LDAH: variants seen among roughly 807,000 people sequenced by gnomAD.
LDAH encodes the protein lipid droplet associated hydrolase.
LDAH carries 26 observed loss-of-function variants against 29.6 expected under a neutral mutation model. The observed-to-expected ratio is 0.88, with a 90% CI of 0.64 to 1.22. LDAH has a LOEUF of 1.22. Among genes scored for constraint, LDAH ranks in the 50% most tolerant of loss-of-function variants. LDAH has a pLI of 0.00. For missense variants in LDAH, 344 were observed against 387.3 expected (o/e 0.89, Z 0.94); for synonymous variants, 117 against 133.0 (o/e 0.88, Z 0.83).
chr2:20,821,434 C>T (rs917161766), intron 1 of LDAH, among the ~76,000 whole-genome samples: 9 of 152,058 alleles, frequency 5.9e-5, no homozygotes, highest in African/African-American at 2.2e-4. Flanking sequence ...TACTATGCAG[C>T]CATAAAAAAG....
intron 5 of LDAH, among the ~76,000 whole-genome samples, chr2:20,721,356 G>A (rs1031432711): frequency 4.6e-5 from 7 of 151,990 alleles, no homozygotes; most frequent in Non-Finnish European, 1.0e-4. Context: ...ACATACAAAT[G>A]GCCAACAAGT....
At chr2:20,811,517 C>T (rs1382045179) in intron 1 of LDAH, among the ~76,000 whole-genome samples, 1 of 151,348 alleles carries the variant, frequency 6.6e-6, no homozygotes, top group Non-Finnish European at 1.5e-5. Context: ...ATGAGTCTTG[C>T]TCTGTCGCCC....
intron 6 of LDAH, among the ~76,000 whole-genome samples, chr2:20,694,671 AC>A (rs769807379): frequency 6.6e-6 from 1 of 152,162 alleles, no homozygotes; most frequent in Non-Finnish European, 1.5e-5. Flanking sequence ...CCGCCCGTGA[AC>A]CCTGCTTCTC....
chr2:20,729,209 G>C (rs62123976), intron 5 of LDAH, among the ~76,000 whole-genome samples: 34,601 of 151,686 alleles, frequency 0.23, 4,506 homozygotes, highest in East Asian at 0.35. Flanking sequence ...AAAAGGAAGA[G>C]TCCTTTCTTT....
At chr2:20,730,782 A>G (rs945621212) in intron 5 of LDAH, among the ~76,000 whole-genome samples, 1 of 152,126 alleles carries the variant, frequency 6.6e-6, no homozygotes, top group Non-Finnish European at 1.5e-5. Context: ...GTGCTCCAGC[A>G]ACATTGTTGA....
In LDAH at chr2:20,684,597, C is replaced by G. The variant is rs1365119977; in HGVS notation, c.*2306G>C. On this transcript the variant is annotated 3_prime_UTR_variant, in exon 7 of 7. Coordinates refer to ENST00000237822, the MANE Select transcript of LDAH (RefSeq NM_021925.4). ...AAATCAAGCCTTTGGTGGTCCGTGTCTCTCCAAAGGTTGAGTGGAGAAGCG... is the reference window on the plus strand; with the variant it reads ...AAATCAAGCCTTTGGTGGTCCGTGTGTCTCCAAAGGTTGAGTGGAGAAGCG... 1 of 280,688 alleles carries G rather than the reference C, an allele frequency of 3.6e-6. No individual in the cohort carries two copies. The highest frequency in any genetic ancestry group is 2.2e-5 in the African/African-American group (1 of 45,858). 17.4% of individuals were successfully genotyped at this position (280,688 alleles called of 1,614,324 possible).
At chr2:20,787,200 CT>C (rs1421232473) in intron 3 of LDAH, among the ~76,000 whole-genome samples, 1 of 152,208 alleles carries the variant, frequency 6.6e-6, no homozygotes, top group Non-Finnish European at 1.5e-5. Flanking sequence ...TTCCTTGTCT[CT>C]CTAGATTTTA....
intron 4 of LDAH, among the ~76,000 whole-genome samples, chr2:20,748,400 A>C (rs1416450018): frequency 1.3e-5 from 2 of 152,228 alleles, no homozygotes; most frequent in African/African-American, 4.8e-5. Context: ...CTGCACAAAC[A>C]CCTGAAACTT....
intron 3 of LDAH, among the ~76,000 whole-genome samples, chr2:20,786,559 T>A (rs1036548946): frequency 1.4e-4 from 21 of 152,226 alleles, no homozygotes; most frequent in African/African-American, 4.8e-4. Flanking sequence ...GTTCTTGTTT[T>A]TTTTTCCTCC....
chr2:20,747,087 G>C (rs959590615), intron 4 of LDAH, among the ~76,000 whole-genome samples: 6 of 152,044 alleles, frequency 3.9e-5, no homozygotes, highest in Non-Finnish European at 4.4e-5. Context: ...TGGCCACAAG[G>C]TAAGAAGTAT....
chr2:20,820,571 GC>G (rs1271973855), intron 1 of LDAH, among the ~76,000 whole-genome samples: 1 of 152,010 alleles, frequency 6.6e-6, no homozygotes, highest in East Asian at 1.9e-4. Context: ...TATGTAGAAA[GC>G]TGAAACTGGA....
At position 20,698,101 on chromosome 2, in the gene LDAH, C is replaced by T. The variant is rs149286441; in HGVS notation, c.786+3469G>A. On this transcript the variant is annotated intron_variant, in intron 6 of 6. Transcript: ENST00000237822. This position sits in a 1 kb window ranked among gnomAD's most constrained non-coding sequence, Gnocchi z 4.4. ...ATGAGAGAGCGAAAGAGATGCATGG[C>T]ACAAAAAAGGTTTAGAATCCACACT... 9.9e-5 allele frequency among the ~76,000 whole-genome samples: 15 copies of T among 152,206 alleles called. No homozygotes were observed. The highest frequency in any genetic ancestry group is 3.4e-3 in the Middle Eastern group (1 of 294).
intron 5 of LDAH, among the ~76,000 whole-genome samples, chr2:20,705,667 T>C (rs901997112): frequency 2.0e-5 from 3 of 152,198 alleles, no homozygotes; most frequent in African/African-American, 7.2e-5. Context: ...AAAGTGCTTA[T>C]AGTATGAAAA....
At chr2:20,776,610 G>A (rs1669843113) in intron 3 of LDAH, among the ~76,000 whole-genome samples, 1 of 152,086 alleles carries the variant, frequency 6.6e-6, no homozygotes, top group Non-Finnish European at 1.5e-5. Flanking sequence ...CACTTAACAA[G>A]GAAGTTCAGC....
intron 4 of LDAH, among the ~76,000 whole-genome samples, chr2:20,764,890 G>A (rs1042948971): frequency 1.6e-4 from 24 of 152,240 alleles, no homozygotes; most frequent in Admixed American, 1.1e-3. Context: ...CTTTAAGATG[G>A]GAAAAATCAG....
At chr2:20,683,745 G>C (rs1322185572), downstream of LDAH, among the ~76,000 whole-genome samples, 1 of 151,768 alleles carries the variant, frequency 6.6e-6, no homozygotes, top group East Asian at 1.9e-4. Flanking sequence ...GAAATGAAAG[G>C]AAAAAAGGAA....
chr2:20,753,609 G>A (rs149428020), intron 4 of LDAH, among the ~76,000 whole-genome samples: 2 of 152,292 alleles, frequency 1.3e-5, no homozygotes, highest in African/African-American at 4.8e-5. Context: ...GAGGGCAAAT[G>A]CAATGAAAGT....
At chr2:20,763,797 T>C (rs1242246399) in intron 4 of LDAH, among the ~76,000 whole-genome samples, 7 of 152,232 alleles carry the variant, frequency 4.6e-5, no homozygotes, top group African/African-American at 1.7e-4. Context: ...AATATTTAAA[T>C]CTGAAAAGTG....
At chr2:20,706,498 G>A (rs753085410) in intron 5 of LDAH, among the ~76,000 whole-genome samples, 2 of 152,012 alleles carry the variant, frequency 1.3e-5, no homozygotes, top group Admixed American at 6.6e-5. Flanking sequence ...CTGTCTTTTC[G>A]CTACCTTGCT....
Sources: allele counts gnomAD v4.1 joint callset (sites outside exome capture counted in the v4.1 genomes callset), GRCh38; gene constraint gnomAD v4.1.1; non-coding constraint Gnocchi (gnomAD v3.1); transcripts MANE v1.5; gene names NCBI Gene and HGNC (gene_info 2026-07-23, HGNC 2026-07-21).